Variants in SERPINI2 observed in about 807,000 individuals in gnomAD.
SERPINI2 encodes serpin family I member 2.
A neutral mutation model predicts 47.3 loss-of-function variants in SERPINI2; 48 were observed. That is an observed-to-expected ratio of 1.02 (90% CI 0.81 to 1.29). The LOEUF is 1.29. Among genes scored for constraint, SERPINI2 ranks in the 50% most tolerant of loss-of-function variants. The pLI is 0.00. For synonymous variants in SERPINI2, 135 were observed against 149.3 expected, an observed-to-expected ratio of 0.90 and a Z score of 0.70; for missense variants, 448 against 456.9, an observed-to-expected ratio of 0.98 and a Z score of 0.18.
chr3:167,446,786 A>T, intron 7 of SERPINI2: 1 of 177,720 alleles, frequency 5.6e-6, no homozygotes, highest in Non-Finnish European at 1.2e-5. Flanking sequence ...TTAAACAGTA[A>T]TTTTCTGTTC....
At chr3:167,461,073 A>G (rs868517358) in intron 5 of SERPINI2, among the ~76,000 whole-genome samples, 12 of 152,178 alleles carry the variant, frequency 7.9e-5, no homozygotes, top group Non-Finnish European at 5.9e-5. Flanking sequence ...CTAACTAGGT[A>G]TGTTTGAGTG....
At chr3:167,468,301 TAAG>T (rs1750203574) in intron 2 of SERPINI2, among the ~76,000 whole-genome samples, 1 of 152,100 alleles carries the variant, frequency 6.6e-6, no homozygotes, top group Non-Finnish European at 1.5e-5. Context: ...CTACTGGAAA[TAAG>T]GAGGATGTGT....
At chr3:167,456,387 C>T (rs1749793136) in intron 5 of SERPINI2, among the ~76,000 whole-genome samples, 1 of 152,128 alleles carries the variant, frequency 6.6e-6, no homozygotes, top group Non-Finnish European at 1.5e-5. Context: ...TCTCATTTTC[C>T]TTGCCTTCCT....
chr3:167,448,679 C>T (rs1341219387), intron 7 of SERPINI2, among the ~76,000 whole-genome samples: 2 of 152,234 alleles, frequency 1.3e-5, no homozygotes, highest in South Asian at 2.1e-4. Context: ...TCCGCCACCA[C>T]GCCCGGCTAA....
At chr3:167,474,165 A>G (rs1245460029), upstream of SERPINI2, 61 of 982,436 alleles carry the variant, frequency 6.2e-5, no homozygotes, top group African/African-American at 8.5e-4. Flanking sequence ...CTACATTTGT[A>G]TTAAGAACTA....
In SERPINI2 at chr3:167,465,204, A is replaced by G. The variant is rs759219890; in HGVS notation, c.866+2T>C. ...CTCGTATAATAAAATAACATCACCA[A>G]CCTAGGGAGGCTTATTTCTACTTCC... On this transcript the variant is annotated splice_donor_variant, in intron 5 of 8. Coordinates refer to ENST00000264677, the Ensembl canonical transcript of SERPINI2. LOFTEE classifies it high-confidence loss of function. 5.6e-6 allele frequency: 9 copies of G among 1,605,546 alleles called. No homozygotes were observed. Among genetic ancestry groups the G allele is most frequent in the Non-Finnish European group, 7.6e-6 (9 of 1,177,728 alleles).
intron 1 of SERPINI2, among the ~76,000 whole-genome samples, chr3:167,473,426 T>G (rs1205136683): frequency 1.3e-5 from 2 of 151,574 alleles, no homozygotes; most frequent in Admixed American, 6.6e-5. Flanking sequence ...TCAGAAGACT[T>G]CTGACCAAAA....
chr3:167,454,634 AT>A (rs1749735855), intron 5 of SERPINI2, among the ~76,000 whole-genome samples: 1 of 152,216 alleles, frequency 6.6e-6, no homozygotes, highest in African/African-American at 2.4e-5. Flanking sequence ...TGCAAGACTT[AT>A]TACAACTTCT....
chr3:167,456,680 C>T (rs1749803687), intron 5 of SERPINI2, among the ~76,000 whole-genome samples: 1 of 152,126 alleles, frequency 6.6e-6, no homozygotes, highest in South Asian at 2.1e-4. Context: ...CATTAATTAG[C>T]TGTGTGACCA....
chr3:167,445,861 T>G (rs933802409), intron 8 of SERPINI2, among the ~76,000 whole-genome samples: 1 of 152,228 alleles, frequency 6.6e-6, no homozygotes, highest in East Asian at 1.9e-4. Context: ...TTTACCTAAC[T>G]GCATCATCTT....
At chr3:167,462,623 C>A (rs1327678492) in intron 5 of SERPINI2, among the ~76,000 whole-genome samples, 3 of 152,184 alleles carry the variant, frequency 2.0e-5, no homozygotes, top group African/African-American at 7.2e-5. Context: ...TAGAACTTCA[C>A]CATATGAATT....
exon 8 of SERPINI2, chr3:167,446,434 C>A (rs746427788): frequency 6.8e-6 from 11 of 1,610,270 alleles, no homozygotes; most frequent in Middle Eastern, 3.3e-4. Context: ...GGATGATTTG[C>A]TATAAATTGG....
intron 7 of SERPINI2, 67 bp downstream of exon 7, chr3:167,449,249 T>A (rs1309060025): frequency 9.5e-7 from 1 of 1,057,000 alleles, no homozygotes; most frequent in Non-Finnish European, 1.5e-6. Context: ...TTCAAAAGGG[T>A]CAGCACCATA....
At chr3:167,449,278 T>G in intron 7 of SERPINI2, 38 bp downstream of exon 7, 1 of 1,352,042 alleles carries the variant, frequency 7.4e-7, no homozygotes, top group Non-Finnish European at 1.1e-6. Flanking sequence ...CCTCTCCCCA[T>G]GTTTCCTTCT....
At chr3:167,473,933 A>G in intron 1 of SERPINI2, 70 bp downstream of exon 1, 2 of 1,177,304 alleles carry the variant, frequency 1.7e-6, no homozygotes, top group African/African-American at 3.2e-5. Flanking sequence ...TCCATACTCT[A>G]CTAAACATTC....
intron 7 of SERPINI2, among the ~76,000 whole-genome samples, chr3:167,448,948 A>T (rs1359978004): frequency 6.6e-6 from 1 of 152,218 alleles, no homozygotes; most frequent in African/African-American, 2.4e-5. Flanking sequence ...TGGTGTAATG[A>T]AAGAATGAAA....
chr3:167,449,234 A>T (rs1256708980), intron 7 of SERPINI2, 82 bp downstream of exon 7: 12 of 942,304 alleles, frequency 1.3e-5, no homozygotes, highest in Non-Finnish European at 1.9e-5. Flanking sequence ...AGAAGAGTAC[A>T]ATACTTCAAA....
chr3:167,464,096 C>G (rs571603811), intron 5 of SERPINI2, among the ~76,000 whole-genome samples: 3 of 149,266 alleles, frequency 2.0e-5, no homozygotes, highest in African/African-American at 7.4e-5. Context: ...CACTGCAAAC[C>G]TCTACCTCCC....
intron 6 of SERPINI2, among the ~76,000 whole-genome samples, chr3:167,452,729 A>T (rs1158762067): frequency 6.6e-6 from 1 of 152,210 alleles, no homozygotes; most frequent in East Asian, 1.9e-4. Context: ...CTTATCTAAC[A>T]TTCTAAAATG....
Sources: gnomAD v4.1 joint callset for allele counts (sites outside exome capture counted in the v4.1 genomes callset) on GRCh38, gnomAD v4.1.1 for gene constraint, MANE v1.5 for transcripts, NCBI Gene and HGNC (gene_info 2026-07-23, HGNC 2026-07-21) for gene names.